CSNK2A1: variants seen among roughly 807,000 people sequenced by gnomAD.
CSNK2A1 encodes the protein casein kinase 2 alpha 1, also known as casein kinase II subunit alpha.
In CSNK2A1, 10 loss-of-function variants were observed where a neutral mutation model predicts 62.9. The ratio of observed to expected loss-of-function variants is 0.16; its 90% CI spans 0.10 to 0.27. The LOEUF (loss-of-function observed/expected upper bound fraction) is 0.27, where lower values mean the gene tolerates loss of function less well. Ranked by LOEUF, CSNK2A1 falls within the 10% of genes least tolerant of loss-of-function variation. CSNK2A1 has a pLI of 1.00. For missense variants in CSNK2A1, 160 were observed against 492.0 expected, an observed-to-expected ratio of 0.33 and a Z score of 6.38; for synonymous variants, 124 against 167.8, an observed-to-expected ratio of 0.74 and a Z score of 2.02.
At chr20:524,050 A>G (rs888875477) in intron 2 of CSNK2A1, among the ~76,000 whole-genome samples, 1 of 151,878 alleles carries the variant, frequency 6.6e-6, no homozygotes. Context: ...GTATACACAA[A>G]AAGGAGTCAA....
In CSNK2A1 at chr20:483,003, C is replaced by T. The variant is rs963877760; in HGVS notation, c.*958G>A. ...CTTAAAATGGAAGTCAGTGTGGCCA[C>T]ATCTCCCATTAGCTCTAGCATGAAA... On this transcript the variant is annotated 3_prime_UTR_variant, in exon 14 of 14. Transcript: ENST00000217244. 6 of 152,404 alleles carry T rather than the reference C, an allele frequency of 3.9e-5. No homozygotes were observed. The highest frequency in any genetic ancestry group is 1.4e-4 in the African/African-American group (6 of 41,454). The allele number at this position is 152,404 out of a possible 1,614,324, so 9.4% of individuals were successfully genotyped here.
In CSNK2A1 at chr20:475,952, G is replaced by A. The variant is rs1408762392; in HGVS notation, c.*8009C>T. 1 of 152,220 alleles carries A rather than the reference G, an allele frequency of 6.6e-6. No individual in the cohort carries two copies. Among genetic ancestry groups the A allele is most frequent in the Non-Finnish European group, 1.5e-5 (1 of 68,052 alleles). The allele number at this position is 152,220 out of a possible 1,614,324, so 9.4% of individuals were successfully genotyped here. A position where few individuals can be genotyped will look rare whatever the true frequency, so the allele number is the denominator to read the frequency against. On this transcript the variant is annotated 3_prime_UTR_variant, in exon 14 of 14. Coordinates refer to ENST00000217244, the MANE Select transcript of CSNK2A1 (RefSeq NM_177559.3). ...GGGCTGAACTTGATCTAGATCAGCT[G>A]AACTACATACAGTTGCCTTAGAAAT...
At position 492,483 on chromosome 20, in the gene CSNK2A1, G is replaced by A. The variant is rs1480367630; in HGVS notation, c.511-119C>T. 3 of 869,172 alleles carry A rather than the reference G, an allele frequency of 3.5e-6. No homozygotes were observed. The East Asian group carries it at 7.9e-5, about 23-fold the overall frequency. The allele number at this position is 869,172 out of a possible 1,614,324, so 53.8% of individuals were successfully genotyped here. ...CACTCTTTACTGAAACCCCTCCACTGACTACTTATAGCCTTTAGAATGAAA... is the reference window on the plus strand; with the variant it reads ...CACTCTTTACTGAAACCCCTCCACTAACTACTTATAGCCTTTAGAATGAAA... On this transcript the variant is annotated intron_variant, in intron 8 of 13. Transcript: ENST00000217244.
At chr20:515,871 C>T (rs2018819840) in intron 2 of CSNK2A1, among the ~76,000 whole-genome samples, 1 of 152,132 alleles carries the variant, frequency 6.6e-6, no homozygotes, top group East Asian at 1.9e-4. Context: ...TCATCTGGTA[C>T]GCAACTAGGA....
At position 479,837 on chromosome 20, in the gene CSNK2A1, T is replaced by A. The variant is rs999279190; in HGVS notation, c.*4124A>T. The A allele has an allele frequency of 6.6e-6, 1 of 152,240 alleles. No homozygotes were observed. The highest frequency in any genetic ancestry group is 1.5e-5 in the Non-Finnish European group (1 of 68,036). 9.4% of individuals were successfully genotyped at this position (152,240 alleles called of 1,614,324 possible). On this transcript the variant is annotated 3_prime_UTR_variant, in exon 14 of 14. Transcript: ENST00000217244. ...AAATCCTCAAAAATCTGAAATTTTT[T>A]AAGCATCAACATGATGCCTAAAGTA...
intron 1 of CSNK2A1, among the ~76,000 whole-genome samples, chr20:533,634 TA>T (rs2019257195): frequency 6.6e-6 from 1 of 152,094 alleles, no homozygotes. Context: ...ACAAAAAAAT[TA>T]AACCAATACA....
At chr20:500,323 G>A (rs749587341) in intron 4 of CSNK2A1, 136 of 191,772 alleles carry the variant, frequency 7.1e-4, no homozygotes, top group Non-Finnish European at 5.7e-4. Flanking sequence ...ATGAAACATG[G>A]GCCCTTTCCA....
chr20:509,403 G>C (rs2018669765), intron 2 of CSNK2A1, among the ~76,000 whole-genome samples: 1 of 152,216 alleles, frequency 6.6e-6, no homozygotes, highest in Non-Finnish European at 1.5e-5. Flanking sequence ...TTAGAAATAT[G>C]CTATCAAATC....
intron 9 of CSNK2A1, among the ~76,000 whole-genome samples, chr20:490,607 T>C (rs1387022286): frequency 1.3e-5 from 2 of 151,418 alleles, no homozygotes; most frequent in Non-Finnish European, 2.9e-5. Context: ...GGTTTCACCA[T>C]CTTGGCCAGG....
rs974065952 is a variant in CSNK2A1 at position 475,839 on chromosome 20, G to A, written c.*8122C>T. ...GAAGAGCACGCCCTGAGTAGCTGCT[G>A]CAACTTCTGCCACATTGGGCAAACC... On this transcript the variant is annotated 3_prime_UTR_variant, in exon 14 of 14. Coordinates refer to ENST00000217244, the MANE Select transcript of CSNK2A1 (RefSeq NM_177559.3). The A allele has an allele frequency of 6.6e-6, 1 of 152,190 alleles. No individual in the cohort carries two copies. Among genetic ancestry groups the A allele is most frequent in the Non-Finnish European group, 1.5e-5 (1 of 68,044 alleles). 9.4% of individuals were successfully genotyped at this position (152,190 alleles called of 1,614,324 possible). A position where few individuals can be genotyped will look rare whatever the true frequency, so the allele number is the denominator to read the frequency against.
chr20:499,365 G>C lies in CSNK2A1; in HGVS notation c.316-60C>G. 1 of 1,529,522 alleles carries C rather than the reference G, an allele frequency of 6.5e-7. No individual in the cohort carries two copies. The highest frequency in any genetic ancestry group is 8.9e-7 in the Non-Finnish European group (1 of 1,121,198). The allele number at this position is 1,529,522 out of a possible 1,614,324, so 94.7% of individuals were successfully genotyped here. A position where few individuals can be genotyped will look rare whatever the true frequency, so the allele number is the denominator to read the frequency against. ...AGCAATAGCCCTGACAGCTTTAATG[G>C]GGACAATGTTTGCGGATGCTGCGTG... On this transcript the variant is annotated intron_variant, in intron 5 of 13. Coordinates refer to ENST00000217244, the MANE Select transcript of CSNK2A1 (RefSeq NM_177559.3). The surrounding 1 kb of genome is among the most constrained non-coding windows in gnomAD (Gnocchi z 4.2).
rs754453488 is a variant in CSNK2A1, at chr20:489,767, T to A, written c.723+13A>T. Reference sequence around the variant, plus strand: ...AGGCCAGTACATTTTTCAATGGGTATAACATATATTACCTGATCATAATTG... The same window carrying A: ...AGGCCAGTACATTTTTCAATGGGTAAAACATATATTACCTGATCATAATTG... On this transcript the variant is annotated intron_variant, in intron 10 of 13. Transcript: ENST00000217244. 1 of 1,605,402 alleles carries A rather than the reference T, an allele frequency of 6.2e-7. No individual in the cohort carries two copies. Among genetic ancestry groups the A allele is most frequent in the Non-Finnish European group, 8.5e-7 (1 of 1,173,054 alleles).
chr20:489,469 T>C, intron 10 of CSNK2A1: 2 of 385,878 alleles, frequency 5.2e-6, no homozygotes, highest in East Asian at 3.7e-5. Context: ...AAATACCACA[T>C]ATGGGCTCAC....
intron 2 of CSNK2A1, among the ~76,000 whole-genome samples, chr20:515,628 C>T (rs2018813893): frequency 6.6e-6 from 1 of 152,186 alleles, no homozygotes; most frequent in Non-Finnish European, 1.5e-5. Context: ...CACATTCACA[C>T]ACACACACAC....
chr20:500,007 A>G, intron 4 of CSNK2A1, 73 bp from the exon 5 acceptor site: 1 of 1,196,432 alleles, frequency 8.4e-7, no homozygotes, highest in Non-Finnish European at 1.2e-6. Flanking sequence ...ACGTAGTGTA[A>G]TACATAAATG....
chr20:488,025 T>C (rs996794085), intron 11 of CSNK2A1: 5 of 173,940 alleles, frequency 2.9e-5, no homozygotes, highest in African/African-American at 1.2e-4. Context: ...TAAGAGTCGG[T>C]TGTCTGCATA....
intron 2 of CSNK2A1, among the ~76,000 whole-genome samples, chr20:521,044 T>C (rs970963093): frequency 1.8e-4 from 27 of 152,306 alleles, no homozygotes; most frequent in African/African-American, 5.3e-4. Context: ...TAGGCAGAGT[T>C]TGAAGACATG....
chr20:532,593 G>A (rs150260847), intron 1 of CSNK2A1, among the ~76,000 whole-genome samples: 21 of 152,274 alleles, frequency 1.4e-4, no homozygotes, highest in Admixed American at 4.6e-4. Flanking sequence ...TATTCTGCAT[G>A]AATGGCCAGA....
intron 2 of CSNK2A1, among the ~76,000 whole-genome samples, chr20:516,846 A>T (rs758078711): frequency 2.6e-4 from 40 of 152,034 alleles, no homozygotes; most frequent in Non-Finnish European, 5.7e-4. Context: ...ATTAGTCTCC[A>T]TCTTAAAAGG....
Sources: allele counts gnomAD v4.1 joint callset (sites outside exome capture counted in the v4.1 genomes callset), GRCh38; gene constraint gnomAD v4.1.1; non-coding constraint Gnocchi (gnomAD v3.1); transcripts MANE v1.5; gene names NCBI Gene and HGNC (gene_info 2026-07-23, HGNC 2026-07-21).